Variants in PRIM2 observed in about 807,000 individuals in gnomAD.
PRIM2 encodes DNA primase subunit 2, also known as DNA primase large subunit.
Under a neutral mutation model 67.3 loss-of-function variants are expected in PRIM2, and 39 were observed. That is an observed-to-expected ratio of 0.58 (90% CI 0.45 to 0.76). The LOEUF (loss-of-function observed/expected upper bound fraction) is 0.76. Ranked by LOEUF, PRIM2 falls within the 30% of genes least tolerant of loss-of-function variation. The pLI is 0.00. For synonymous variants in PRIM2, 143 were observed against 198.7 expected, an observed-to-expected ratio of 0.72 and a Z score of 2.36; for missense variants, 398 against 598.7, an observed-to-expected ratio of 0.66 and a Z score of 3.50.
chr6:57,370,673 C>T lies in PRIM2; in HGVS notation c.460-9228C>T, dbSNP rs1434507070. 3.3e-5 allele frequency among the ~76,000 whole-genome samples: 5 copies of T among 150,836 alleles called. No individual in the cohort carries two copies. In the Admixed American group the frequency reaches 3.3e-4, roughly 10 times the overall value. Reference sequence around the variant, plus strand: ...GAAAAGTTTAGAAACACATTGAATTCCTTAGAATTCTATCTATAGCTTTTT... The same window carrying T: ...GAAAAGTTTAGAAACACATTGAATTTCTTAGAATTCTATCTATAGCTTTTT... On this transcript the variant is annotated intron_variant, in intron 5 of 13. Transcript: ENST00000615550.
At chr6:57,232,162 C>CGGAA in the PRIM2 span, among the ~76,000 whole-genome samples, 2 of 152,080 alleles carry the variant, frequency 1.3e-5, no homozygotes, top group Non-Finnish European at 2.9e-5. Context: ...ACAAAACAAG[C>CGGAA]GTTCCGTTGT....
At chr6:57,403,190 A>G (rs1381471611) in intron 7 of PRIM2, among the ~76,000 whole-genome samples, 1 of 152,060 alleles carries the variant, frequency 6.6e-6, no homozygotes, top group African/African-American at 2.4e-5. Flanking sequence ...AAGTTTTTTG[A>G]AAATTCCAAA....
At chr6:57,641,694 G>A (rs1275804566) in intron 13 of PRIM2, among the ~76,000 whole-genome samples, 1 of 152,176 alleles carries the variant, frequency 6.6e-6, no homozygotes, top group Non-Finnish European at 1.5e-5. Flanking sequence ...ACCATCTCAT[G>A]CCAGTTAGAA....
intron 13 of PRIM2, among the ~76,000 whole-genome samples, chr6:57,644,776 C>T (rs1777305930): frequency 6.6e-6 from 1 of 152,044 alleles, no homozygotes; most frequent in African/African-American, 2.4e-5. Context: ...AAAATACCAC[C>T]CAAGAAACCA....
At chr6:57,301,883 A>G in the PRIM2 span, among the ~76,000 whole-genome samples, 1 of 152,208 alleles carries the variant, frequency 6.6e-6, no homozygotes, top group East Asian at 1.9e-4. Flanking sequence ...CAGATTATTA[A>G]TTCTATGAGT....
chr6:57,332,168 G>A (rs62418093), intron 5 of PRIM2, among the ~76,000 whole-genome samples: 1,682 of 151,710 alleles, frequency 0.011, 16 homozygotes, highest in Middle Eastern at 0.051. Context: ...TAATTTCCAC[G>A]TTTTTGAATT....
At chr6:57,499,333 G>A (rs1321267351) in intron 7 of PRIM2, among the ~76,000 whole-genome samples, 1 of 152,116 alleles carries the variant, frequency 6.6e-6, no homozygotes, top group Non-Finnish European at 1.5e-5. Context: ...TGGCATTTAG[G>A]ACATACTTCT....
At chr6:57,258,692 A>T in the PRIM2 span, among the ~76,000 whole-genome samples, 4 of 151,282 alleles carry the variant, frequency 2.6e-5, no homozygotes, top group African/African-American at 4.9e-5. Context: ...AGGCCAGTGT[A>T]AGACTAAGGG....
chr6:57,259,926 A>G, the PRIM2 span, among the ~76,000 whole-genome samples: 1 of 152,200 alleles, frequency 6.6e-6, no homozygotes, highest in Non-Finnish European at 1.5e-5. Flanking sequence ...CCTCAATTCA[A>G]GACATCTCTG....
At chr6:57,576,949 T>C (rs1157685450) in intron 10 of PRIM2, among the ~76,000 whole-genome samples, 19,555 of 148,844 alleles carry the variant, frequency 0.13, 2,220 homozygotes, top group African/African-American at 0.31. Flanking sequence ...TAGCAGTATA[T>C]TGTAATTTGT....
chr6:57,468,134 T>C (rs1204291254), intron 7 of PRIM2, among the ~76,000 whole-genome samples: 1 of 152,212 alleles, frequency 6.6e-6, no homozygotes, highest in Non-Finnish European at 1.5e-5. Context: ...TTCTCTTGCC[T>C]GATTTCCCTA....
chr6:57,325,239 A>G (rs955232963), intron 4 of PRIM2, among the ~76,000 whole-genome samples: 4 of 151,680 alleles, frequency 2.6e-5, no homozygotes, highest in African/African-American at 9.7e-5. Flanking sequence ...ATTTATAAAG[A>G]CACCTCAAGC....
chr6:57,616,490 C>T (rs1776759926), intron 12 of PRIM2, among the ~76,000 whole-genome samples: 1 of 152,054 alleles, frequency 6.6e-6, no homozygotes. Context: ...CATGGAAAGC[C>T]ATCACTGTGA....
At chr6:57,281,533 C>G in the PRIM2 span, among the ~76,000 whole-genome samples, 1 of 152,156 alleles carries the variant, frequency 6.6e-6, no homozygotes, top group Non-Finnish European at 1.5e-5. Context: ...CACTGATACT[C>G]TAAAATGACC....
intron 10 of PRIM2, among the ~76,000 whole-genome samples, chr6:57,547,487 CTCTATT>C (rs1287148424): frequency 3.9e-5 from 6 of 152,124 alleles, no homozygotes; most frequent in Non-Finnish European, 8.8e-5. Context: ...ATGCACAAAC[CTCTATT>C]TAAAGTATGA....
intron 10 of PRIM2, among the ~76,000 whole-genome samples, chr6:57,562,965 G>A (rs1775666875): frequency 6.6e-6 from 1 of 152,076 alleles, no homozygotes; most frequent in Non-Finnish European, 1.5e-5. Flanking sequence ...GATTTGATCA[G>A]TGTCATTATA....
chr6:57,290,988 A>C, the PRIM2 span, among the ~76,000 whole-genome samples: 1 of 152,180 alleles, frequency 6.6e-6, no homozygotes, highest in Non-Finnish European at 1.5e-5. Context: ...GAAGGCAAGA[A>C]ATAACTAAGA....
At chr6:57,610,138 G>A (rs1160031877) in intron 12 of PRIM2, among the ~76,000 whole-genome samples, 3,196 of 152,086 alleles carry the variant, frequency 0.021, 56 homozygotes, top group Non-Finnish European at 0.029. Context: ...GCGCAATCTC[G>A]GCTCACTGCA....
chr6:57,639,988 A>G (rs1271726187), intron 13 of PRIM2, among the ~76,000 whole-genome samples: 1 of 152,084 alleles, frequency 6.6e-6, no homozygotes, highest in Non-Finnish European at 1.5e-5. Context: ...AATCCTCAAT[A>G]AAATACTGGC....
Sources: gnomAD v4.1 joint callset for allele counts (sites outside exome capture counted in the v4.1 genomes callset) on GRCh38, gnomAD v4.1.1 for gene constraint, MANE v1.5 for transcripts, NCBI Gene and HGNC (gene_info 2026-07-23, HGNC 2026-07-21) for gene names.